Variants in SEMA7A observed in about 807,000 individuals in gnomAD.
SEMA7A encodes semaphorin 7A (JohnMiltonHagen blood group).
Under a neutral mutation model 67.5 loss-of-function variants are expected in SEMA7A, and 21 were observed. That is an observed-to-expected ratio of 0.31 (90% CI 0.22 to 0.45). The LOEUF is 0.45. SEMA7A is among the 20% of genes least tolerant of loss of function. The pLI is 1.00. For synonymous variants in SEMA7A, 364 were observed against 368.5 expected (o/e 0.99, Z 0.14); for missense variants, 774 against 908.6 (o/e 0.85, Z 1.90).
intron 1 of SEMA7A, among the ~76,000 whole-genome samples, chr15:74,426,796 T>A (rs1596199279): frequency 6.6e-6 from 1 of 152,082 alleles, no homozygotes; most frequent in East Asian, 1.9e-4. Context: ...TACTGCATGC[T>A]CTGAAGCTGA....
At chr15:74,422,417 T>C (rs920410622) in intron 1 of SEMA7A, among the ~76,000 whole-genome samples, 1 of 151,880 alleles carries the variant, frequency 6.6e-6, no homozygotes, top group East Asian at 1.9e-4. Flanking sequence ...TAGGGACATA[T>C]GGGGAGGGCA....
chr15:74,413,141 G>A (rs935401494), intron 10 of SEMA7A, among the ~76,000 whole-genome samples: 15 of 151,586 alleles, frequency 9.9e-5, no homozygotes, highest in Admixed American at 5.9e-4. Context: ...TGGACTCTGA[G>A]ATGTGGCCAG....
At chr15:74,421,256 A>C (rs1230756623) in intron 1 of SEMA7A, among the ~76,000 whole-genome samples, 1 of 152,154 alleles carries the variant, frequency 6.6e-6, no homozygotes, top group Non-Finnish European at 1.5e-5. Flanking sequence ...CACCACAGAA[A>C]ACTTCCACAG....
chr15:74,429,179 G>A (rs556917371), intron 1 of SEMA7A, among the ~76,000 whole-genome samples: 16 of 152,310 alleles, frequency 1.1e-4, no homozygotes, highest in African/African-American at 3.1e-4. Context: ...CAGAGCTGCC[G>A]ACCAAAGCAG....
At chr15:74,422,474 T>C (rs1199064782) in intron 1 of SEMA7A, among the ~76,000 whole-genome samples, 2 of 152,026 alleles carry the variant, frequency 1.3e-5, no homozygotes, top group Admixed American at 6.5e-5. Context: ...TCCCGCCCCA[T>C]GTGATTCCGA....
chr15:74,413,935 G>A (rs762082037), intron 10 of SEMA7A, among the ~76,000 whole-genome samples: 5 of 152,140 alleles, frequency 3.3e-5, no homozygotes, highest in Non-Finnish European at 7.4e-5. Flanking sequence ...TGGCTCCTCC[G>A]TGTCCTGTGG....
At position 74,410,320 on chromosome 15, in the gene SEMA7A, T is replaced by C. The variant is rs2075594; in HGVS notation, c.*304A>G. 23,152 of 365,148 alleles carry C rather than the reference T, an allele frequency of 0.063. 1,044 individuals carry two copies. Among genetic ancestry groups the C allele is most frequent in the East Asian group, 0.15 (3,319 of 21,630 alleles). 22.6% of individuals were successfully genotyped at this position (365,148 alleles called of 1,614,324 possible). Reference sequence around the variant, plus strand: ...CCCATGGGCTCTTGGGCTGGGAGCATCGCTGCATTTAGTCAAGTTTGAGGA... The same window carrying C: ...CCCATGGGCTCTTGGGCTGGGAGCACCGCTGCATTTAGTCAAGTTTGAGGA... On this transcript the variant is annotated 3_prime_UTR_variant, in exon 14 of 14. Transcript: ENST00000261918. The surrounding 1 kb of genome is among the most constrained non-coding windows in gnomAD (Gnocchi z 7.5).
intron 1 of SEMA7A, among the ~76,000 whole-genome samples, chr15:74,432,796 A>G (rs2141295622): frequency 6.6e-6 from 1 of 152,156 alleles, no homozygotes; most frequent in African/African-American, 2.4e-5. Flanking sequence ...GCCGAATCGG[A>G]CTGGGGGCGG....
Position 74,411,363 on chromosome 15 carries a change from T to G in SEMA7A, c.1578-7A>C. 1 of 1,613,496 alleles carries G rather than the reference T, an allele frequency of 6.2e-7. No individual in the cohort carries two copies. Among genetic ancestry groups the G allele is most frequent in the Admixed American group, 1.7e-5 (1 of 59,934 alleles). On this transcript the variant is annotated splice_region_variant and splice_polypyrimidine_tract_variant and intron_variant, in intron 12 of 13. Coordinates refer to ENST00000261918, the MANE Select transcript of SEMA7A (RefSeq NM_003612.5). This position sits in a 1 kb window ranked among gnomAD's most constrained non-coding sequence, Gnocchi z 4.4. ...AATGGATTGCAGCACTGACCTGGAG[T>G]GGGAAGGACGAAAGAGGATCAGCAG...
intron 1 of SEMA7A, among the ~76,000 whole-genome samples, chr15:74,429,241 C>A (rs1488922076): frequency 6.6e-6 from 1 of 152,212 alleles, no homozygotes; most frequent in Non-Finnish European, 1.5e-5. Context: ...TGGGGGTGGA[C>A]AGGCTATCAG....
At position 74,414,025 on chromosome 15, in the gene SEMA7A, G is replaced by A. The variant is rs141237400; in HGVS notation, c.1294+522C>T. Among the ~76,000 whole-genome samples, 813 of 152,290 alleles carry A rather than the reference G, an allele frequency of 5.3e-3. 6 individuals carry two copies. Among genetic ancestry groups the A allele is most frequent in the African/African-American group, 0.019 (777 of 41,540 alleles). The stretch of plus-strand genomic sequence containing the variant: ...GGGCCTACTCCAGGGAAGAAGAGAA[G>A]CTGCCCCTGTCCTCTGTGAGATGGC... On this transcript the variant is annotated intron_variant, in intron 10 of 13. Coordinates refer to ENST00000261918, the MANE Select transcript of SEMA7A (RefSeq NM_003612.5). The surrounding 1 kb of genome is among the most constrained non-coding windows in gnomAD (Gnocchi z 4.1).
At chr15:74,432,503 C>T (rs1346791631) in intron 1 of SEMA7A, among the ~76,000 whole-genome samples, 1 of 152,218 alleles carries the variant, frequency 6.6e-6, no homozygotes, top group Non-Finnish European at 1.5e-5. Context: ...GATCAGAGCC[C>T]CTGCCTGCAC....
chr15:74,414,900 C>T lies in SEMA7A; in HGVS notation c.1033G>A (p.Val345Ile), dbSNP rs748424784. Residue 345 changes from valine to isoleucine, a missense_variant, in exon 9 of 14, where the codon GTC becomes ATC. Val to Ile is a conservative substitution (Grantham distance 29). This residue lies in a region of SEMA7A where 427 missense variants were observed against 555.4 expected (regional missense o/e 0.77). Coordinates refer to ENST00000261918, the MANE Select transcript of SEMA7A (RefSeq NM_003612.5). The surrounding 1 kb of genome is among the most constrained non-coding windows in gnomAD (Gnocchi z 4.1). ...CCCTTGAGTGAGGAGGTACGGAAGA[C>T]CTTGTCAATGTCACCGAGGGAATAC... The part of the protein sequence containing the change: ...CVYSLGDIDK[V>I]FRTSSLKGYH... 2.2e-5 allele frequency: 36 copies of T among 1,614,034 alleles called. No homozygotes were observed. Among genetic ancestry groups the T allele is most frequent in the Non-Finnish European group, 3.0e-5 (35 of 1,180,034 alleles).
chr15:74,417,482 G>A (rs1299996376), intron 5 of SEMA7A, 37 bp from the exon 6 acceptor site: 1 of 1,595,376 alleles, frequency 6.3e-7, no homozygotes, highest in South Asian at 1.1e-5. Flanking sequence ...GTAAGGGCAG[G>A]CAGCTCCTGG....
intron 3 of SEMA7A, 65 bp downstream of exon 3, chr15:74,418,203 C>T (rs1162162368): frequency 6.6e-7 from 1 of 1,514,120 alleles, no homozygotes; most frequent in Admixed American, 1.7e-5. Flanking sequence ...CTTCCTTAGA[C>T]CCTCAGGGTC....
intron 1 of SEMA7A, among the ~76,000 whole-genome samples, chr15:74,426,271 T>C (rs1310312836): frequency 1.3e-5 from 2 of 151,960 alleles, no homozygotes; most frequent in Non-Finnish European, 2.9e-5. Flanking sequence ...CAAGACTCCA[T>C]CTCAAAACAA....
intron 1 of SEMA7A, among the ~76,000 whole-genome samples, chr15:74,426,001 A>G: frequency 6.6e-6 from 1 of 152,224 alleles, no homozygotes; most frequent in East Asian, 1.9e-4. Flanking sequence ...GGCCAGGCAC[A>G]GTGGGTCATG....
At chr15:74,430,757 C>T (rs1490789021) in intron 1 of SEMA7A, among the ~76,000 whole-genome samples, 3 of 152,196 alleles carry the variant, frequency 2.0e-5, no homozygotes, top group Non-Finnish European at 4.4e-5. Flanking sequence ...ACATCTAAGT[C>T]CCCAAGGGGG....
chr15:74,432,864 T>C (rs1241909874), intron 1 of SEMA7A, among the ~76,000 whole-genome samples: 1 of 151,958 alleles, frequency 6.6e-6, no homozygotes, highest in Non-Finnish European at 1.5e-5. Context: ...GCAGAAAGCC[T>C]CAAACCCCCG....
Sources: allele counts gnomAD v4.1 joint callset (sites outside exome capture counted in the v4.1 genomes callset), GRCh38; gene constraint gnomAD v4.1.1; regional missense constraint gnomAD v4.1.1; non-coding constraint Gnocchi (gnomAD v3.1); transcripts MANE v1.5; gene names NCBI Gene and HGNC (gene_info 2026-07-23, HGNC 2026-07-21).